Variants in FHIT observed in about 807,000 individuals in gnomAD.
The protein encoded by FHIT is bis(5'-adenosyl)-triphosphatase.
Under a neutral mutation model 17.9 loss-of-function variants are expected in FHIT, and 19 were observed. The ratio of observed to expected loss-of-function variants is 1.06; its 90% CI spans 0.74 to 1.56. The LOEUF is 1.56. Among genes scored for constraint, FHIT ranks in the 40% most tolerant of loss-of-function variants. FHIT has a pLI of 0.00. For missense variants in FHIT, 248 were observed against 189.2 expected (o/e 1.31, Z -1.82); for synonymous variants, 81 against 69.7 (o/e 1.16, Z -0.81).
intron 8 of FHIT, among the ~76,000 whole-genome samples, chr3:59,845,993 C>T (rs957958967): frequency 6.6e-6 from 1 of 152,090 alleles, no homozygotes; most frequent in African/African-American, 2.4e-5. Flanking sequence ...TAAAGTAAGT[C>T]TGTGAAGACA....
intron 4 of FHIT, among the ~76,000 whole-genome samples, chr3:60,797,175 A>T (rs1460610074): frequency 2.6e-5 from 4 of 152,194 alleles, no homozygotes; most frequent in Admixed American, 6.5e-5. Flanking sequence ...TGCTTGCCTC[A>T]CATAGACACA....
At chr3:60,574,670 T>G (rs1392466804) in intron 4 of FHIT, among the ~76,000 whole-genome samples, 1 of 152,222 alleles carries the variant, frequency 6.6e-6, no homozygotes, top group African/African-American at 2.4e-5. Context: ...AACGTAACAC[T>G]TTGAAACAAA....
chr3:60,274,034 C>A (rs1339760150), intron 5 of FHIT, among the ~76,000 whole-genome samples: 2 of 152,068 alleles, frequency 1.3e-5, no homozygotes, highest in Non-Finnish European at 2.9e-5. Flanking sequence ...AATGATAAGC[C>A]TTTGAGTTCT....
chr3:60,012,911 G>T (rs1278066406), intron 6 of FHIT, among the ~76,000 whole-genome samples: 2 of 152,088 alleles, frequency 1.3e-5, no homozygotes, highest in Non-Finnish European at 1.5e-5. Flanking sequence ...AACATTAACA[G>T]AGGTTTTCAT....
At chr3:60,732,141 A>T in intron 4 of FHIT, 1 of 757,408 alleles carries the variant, frequency 1.3e-6, no homozygotes, top group Non-Finnish European at 2.2e-6. Context: ...ACACAAGTCA[A>T]ACTTAGTAGA....
intron 3 of FHIT, among the ~76,000 whole-genome samples, chr3:60,942,579 T>C (rs1447414383): frequency 1.3e-5 from 2 of 152,084 alleles, no homozygotes; most frequent in Non-Finnish European, 2.9e-5. Context: ...CTCTCTCTCT[T>C]TGTTCTTCTC....
At chr3:60,696,476 C>G (rs573851491) in intron 4 of FHIT, among the ~76,000 whole-genome samples, 1 of 152,102 alleles carries the variant, frequency 6.6e-6, no homozygotes, top group Non-Finnish European at 1.5e-5. Context: ...TGCCTATTTC[C>G]TAGAACATCC....
chr3:60,520,875 A>G (rs1322556891), intron 5 of FHIT, among the ~76,000 whole-genome samples: 1 of 151,932 alleles, frequency 6.6e-6, no homozygotes, highest in Non-Finnish European at 1.5e-5. Context: ...TCACACACCT[A>G]CCTCTTCCCA....
chr3:59,777,978 T>C (rs1199643001), intron 8 of FHIT, among the ~76,000 whole-genome samples: 2 of 152,220 alleles, frequency 1.3e-5, no homozygotes, highest in African/African-American at 2.4e-5. Flanking sequence ...TCTAACCAAA[T>C]TCATATGCAT....
intron 5 of FHIT, among the ~76,000 whole-genome samples, chr3:60,156,071 G>C (rs1489228091): frequency 6.6e-6 from 1 of 152,076 alleles, no homozygotes; most frequent in Non-Finnish European, 1.5e-5. Context: ...AGATCATTTA[G>C]GGCCGGGTGT....
At position 60,399,589 on chromosome 3, in the gene FHIT, C is replaced by A. The variant is rs532805383; in HGVS notation, c.103+137271G>T. Among the ~76,000 whole-genome samples the A allele has an allele frequency of 1.7e-4, 26 of 152,180 alleles. No individual in the cohort carries two copies. In the East Asian group the frequency reaches 4.3e-3, roughly 25 times the overall value. On this transcript the variant is annotated intron_variant, in intron 5 of 9. Coordinates refer to ENST00000492590, the MANE Select transcript of FHIT (RefSeq NM_002012.4). ...TTTAACAATCACATACACAATGAAG[C>A]AATCAGAAAGGTGAGCAGGTGAATA... is the stretch of plus-strand genomic sequence containing the variant.
chr3:60,322,918 G>A (rs1013778773), intron 5 of FHIT, among the ~76,000 whole-genome samples: 1 of 152,118 alleles, frequency 6.6e-6, no homozygotes, highest in African/African-American at 2.4e-5. Flanking sequence ...TAACTAGAAT[G>A]TTCCCTAAAC....
intron 4 of FHIT, among the ~76,000 whole-genome samples, chr3:60,662,333 G>T (rs1462485371): frequency 1.3e-5 from 2 of 152,028 alleles, no homozygotes; most frequent in African/African-American, 4.8e-5. Flanking sequence ...TTGCTTTGTT[G>T]ACGATTGGTT....
intron 5 of FHIT, among the ~76,000 whole-genome samples, chr3:60,277,758 TTC>T (rs1303569909): frequency 6.6e-6 from 1 of 152,154 alleles, no homozygotes; most frequent in Non-Finnish European, 1.5e-5. Context: ...CTGTTCTCCT[TTC>T]TCTTTCTTTT....
intron 3 of FHIT, among the ~76,000 whole-genome samples, chr3:60,985,427 T>C (rs1224345400): frequency 6.6e-6 from 1 of 152,196 alleles, no homozygotes; most frequent in East Asian, 1.9e-4. Flanking sequence ...AGAAACTCCC[T>C]GAAATTTCAT....
At chr3:59,846,358 C>A (rs1701720267) in intron 8 of FHIT, among the ~76,000 whole-genome samples, 2 of 152,076 alleles carry the variant, frequency 1.3e-5, no homozygotes, top group Non-Finnish European at 2.9e-5. Flanking sequence ...ACTTCTATAA[C>A]ATATAAAAAC....
chr3:61,004,566 G>C (rs2031316512), intron 3 of FHIT, among the ~76,000 whole-genome samples: 1 of 152,222 alleles, frequency 6.6e-6, no homozygotes, highest in Non-Finnish European at 1.5e-5. Context: ...GAAAGAGAAA[G>C]TCTGGTGGAG....
At chr3:60,125,367 T>C (rs1705493532) in intron 5 of FHIT, among the ~76,000 whole-genome samples, 1 of 152,178 alleles carries the variant, frequency 6.6e-6, no homozygotes. Context: ...CGTAGTGGCT[T>C]ACGCCTGTAA....
chr3:60,761,483 C>G (rs17063928), intron 4 of FHIT, among the ~76,000 whole-genome samples: 5,712 of 152,224 alleles, frequency 0.038, 137 homozygotes, highest in African/African-American at 0.051. Context: ...AATGAGTTTT[C>G]ACTAAATGAC....
Sources: allele counts gnomAD v4.1 joint callset (sites outside exome capture counted in the v4.1 genomes callset), GRCh38; gene constraint gnomAD v4.1.1; transcripts MANE v1.5; gene names NCBI Gene and HGNC (gene_info 2026-07-23, HGNC 2026-07-21).